The following DELE1 variants were observed in gnomAD, a reference collection of about 807,000 sequenced individuals.
The protein encoded by DELE1 is DAP3 binding cell death enhancer 1.
In DELE1, 54 loss-of-function variants were observed where a neutral mutation model predicts 59.3. The ratio of observed to expected loss-of-function variants is 0.91; its 90% CI spans 0.73 to 1.14. The LOEUF is 1.14. Among genes scored for constraint, DELE1 ranks in the 50% most tolerant of loss-of-function variants. DELE1 has a pLI of 0.00. For missense variants in DELE1, 636 were observed against 643.9 expected (o/e 0.99, Z 0.13); for synonymous variants, 264 against 259.1 (o/e 1.02, Z -0.18).
In DELE1 at chr5:141,934,605, C is replaced by G; in HGVS notation, c.1149+19C>G. Reference sequence around the variant, plus strand: ...CAATGGGGTATGCGATCTCAGTGGACAAGCATGTTGGGGATGAAGCCTGAT... The same window carrying G: ...CAATGGGGTATGCGATCTCAGTGGAGAAGCATGTTGGGGATGAAGCCTGAT... On this transcript the variant is annotated intron_variant, in intron 10 of 11. Transcript: ENST00000432126. 1 of 1,607,686 alleles carries G rather than the reference C, an allele frequency of 6.2e-7. No individual in the cohort carries two copies.
rs556745240 is a variant in DELE1 at position 141,933,290 on chromosome 5, G to A, written c.786G>A (p.Thr262=). 74 of 1,564,876 alleles carry A rather than the reference G, an allele frequency of 4.7e-5. 2 individuals carry two copies. The Middle Eastern group carries it at 7.0e-3, about 149-fold the overall frequency. ...GTENMKSGDH[T]AAFSYFQKAA... is the part of the protein sequence containing the mutation. The stretch of plus-strand genomic sequence containing the variant: ...AGAACATGAAGAGTGGCGACCACAC[G>A]GCAGCCTTTTCTTACTTCCAGAAAG... Residue 262 remains threonine, a synonymous_variant, in exon 8 of 12, where the codon ACG becomes ACA. Transcript: ENST00000432126.
intron 3 of DELE1, among the ~76,000 whole-genome samples, chr5:141,927,631 A>G (rs1751525641): frequency 6.6e-6 from 1 of 152,046 alleles, no homozygotes; most frequent in Admixed American, 6.5e-5. Flanking sequence ...ACACCTGGAG[A>G]TGTGTGTGTG....
At chr5:141,934,715 T>A in intron 10 of DELE1, 129 bp downstream of exon 10, 1 of 860,692 alleles carries the variant, frequency 1.2e-6, no homozygotes, top group Non-Finnish European at 1.8e-6. Flanking sequence ...CTTCAAGCCT[T>A]AGCGCTCACT....
In DELE1 at chr5:141,939,006, C is replaced by G; in HGVS notation, c.*247C>G. On this transcript the variant is annotated 3_prime_UTR_variant, in exon 12 of 12. Coordinates refer to ENST00000432126, the MANE Select transcript of DELE1 (RefSeq NM_014773.5). ...GTGCACCAAAGGATGCATTCAGTGA[C>G]CTATGAAAAACCCTACTGAAGGGTC... 7.6e-7 allele frequency: 1 copy of G among 1,322,874 alleles called. No individual in the cohort carries two copies. The allele number at this position is 1,322,874 out of a possible 1,614,324, so 81.9% of individuals were successfully genotyped here. A position where few individuals can be genotyped will look rare whatever the true frequency, so the allele number is the denominator to read the frequency against.
chr5:141,931,108 C>G (rs1474621258), intron 7 of DELE1: 1 of 152,170 alleles, frequency 6.6e-6, no homozygotes, highest in East Asian at 1.9e-4. Flanking sequence ...GAGCAAGGAG[C>G]AGTTTTTGAT....
chr5:141,936,414 G>A (rs188320314), intron 10 of DELE1, among the ~76,000 whole-genome samples: 1 of 152,248 alleles, frequency 6.6e-6, no homozygotes, highest in Non-Finnish European at 1.5e-5. Context: ...CTGGGGCAAA[G>A]AGCATAGCGT....
rs55860016 is a variant in DELE1, at chr5:141,924,762, T to G, written c.146+67T>G. On this transcript the variant is annotated intron_variant, in intron 2 of 11. Transcript: ENST00000432126. ...ACCCTTTTTTTTTATTTTTTTTTTT[T>G]TGTTGTTTTTTGAGATGGAGTCTCA... is the stretch of plus-strand genomic sequence containing the variant. 12,183 of 1,052,674 alleles carry G rather than the reference T, an allele frequency of 0.012. 863 individuals carry two copies. The African/African-American group carries it at 0.19, about 16-fold the overall frequency. The allele number at this position is 1,052,674 out of a possible 1,614,324, so 65.2% of individuals were successfully genotyped here. A position where few individuals can be genotyped will look rare whatever the true frequency, so the allele number is the denominator to read the frequency against.
intron 10 of DELE1, 166 bp from the exon 11 acceptor site, chr5:141,937,032 G>C: frequency 6.7e-7 from 1 of 1,493,060 alleles, no homozygotes; most frequent in African/African-American, 1.4e-5. Flanking sequence ...CTGAGCCTCT[G>C]GCATTTCGTA....
chr5:141,941,730 C>T lies in DELE1; in HGVS notation c.*2971C>T. 1.0e-6 allele frequency: 1 copy of T among 985,284 alleles called. No individual in the cohort carries two copies. The highest frequency in any genetic ancestry group is 1.2e-6 in the Non-Finnish European group (1 of 829,918). The allele number at this position is 985,284 out of a possible 1,614,324, so 61.0% of individuals were successfully genotyped here. On this transcript the variant is annotated 3_prime_UTR_variant, in exon 12 of 12. Coordinates refer to ENST00000432126, the MANE Select transcript of DELE1 (RefSeq NM_014773.5). The stretch of plus-strand genomic sequence containing the variant: ...GGGAGTCCTGACACTATGATGGGAA[C>T]AAGGCTATTTGGTTTACTATATCAT...
chr5:141,929,411 G>A (rs760376429), intron 4 of DELE1, among the ~76,000 whole-genome samples, 171 bp from the exon 5 acceptor site: 7 of 152,142 alleles, frequency 4.6e-5, no homozygotes, highest in Non-Finnish European at 7.4e-5. Context: ...ACTGCACCCC[G>A]CTAATTTTTT....
chr5:141,925,465 G>T lies in DELE1; in HGVS notation c.202G>T (p.Asp68Tyr). 6.2e-7 allele frequency: 1 copy of T among 1,604,566 alleles called. No individual in the cohort carries two copies. Among genetic ancestry groups the T allele is most frequent in the Non-Finnish European group, 8.5e-7 (1 of 1,175,748 alleles). ...SGGPRSHGWK[D>Y]AFQWMSSRVS... ...GGGTCCAAGGTCCCATGGATGGAAG[G>T]ATGCCTTCCAATGGATGTCTTCCCG... is the stretch of plus-strand genomic sequence containing the variant. The change falls in exon 3 of 12, where the codon GAT becomes TAT. Residue 68 changes from aspartate to tyrosine, a missense_variant. Coordinates refer to ENST00000432126, the MANE Select transcript of DELE1 (RefSeq NM_014773.5).
At chr5:141,937,509 G>A (rs1445808641) in intron 11 of DELE1, 152 bp downstream of exon 11, 16 of 852,864 alleles carry the variant, frequency 1.9e-5, no homozygotes, top group Admixed American at 8.2e-5. Context: ...GGTGGCTCAC[G>A]CCTGTAATCC....
intron 7 of DELE1, 148 bp from the exon 8 acceptor site, chr5:141,933,111 A>AAAT (rs1554076875): frequency 7.2e-4 from 68 of 94,572 alleles, no homozygotes; most frequent in South Asian, 2.1e-3. Context: ...AAAAAAAAAA[A>AAAT]ATATATATAT....
chr5:141,940,860 CCAAAAAACAAA>C lies in DELE1; in HGVS notation c.*2109_*2119del. 1 of 985,382 alleles carries C rather than the reference CCAAAAAACAAA, an allele frequency of 1.0e-6. No homozygotes were observed. Among genetic ancestry groups the C allele is most frequent in the Non-Finnish European group, 1.2e-6 (1 of 829,918 alleles). 61.0% of individuals were successfully genotyped at this position (985,382 alleles called of 1,614,324 possible). On this transcript the variant is annotated 3_prime_UTR_variant, in exon 12 of 12. Coordinates refer to ENST00000432126, the MANE Select transcript of DELE1 (RefSeq NM_014773.5). ...GCTGTGCAGTGCACTAAGCTCTCTGCCAAAAAACAAACAAAAAAAGGTTTCTGTGGTTAAAT... is the reference window on the plus strand; with the variant it reads ...GCTGTGCAGTGCACTAAGCTCTCTGCCAAAAAAAGGTTTCTGTGGTTAAAT...
chr5:141,937,420 G>A (rs1191726097), intron 11 of DELE1, 63 bp downstream of exon 11: 7 of 1,552,756 alleles, frequency 4.5e-6, no homozygotes, highest in Non-Finnish European at 6.2e-6. Flanking sequence ...TGACAGATAA[G>A]TAGGTAGCAG....
Position 141,930,077 on chromosome 5 carries a change from A to C in DELE1, c.657+3A>C. On this transcript the variant is annotated splice_donor_region_variant and intron_variant, in intron 6 of 11. Transcript: ENST00000432126. ...AGCCTCAGCCCACTGGTGAAAAGGT[A>C]TTATCCAGATTTGGCCACCTGGATC... The C allele has an allele frequency of 6.2e-7, 1 of 1,613,974 alleles. No homozygotes were observed. Among genetic ancestry groups the C allele is most frequent in the South Asian group, 1.1e-5 (1 of 91,084 alleles).
At chr5:141,923,996 C>T in intron 1 of DELE1, 24 bp downstream of exon 1, 1 of 1,606,426 alleles carries the variant, frequency 6.2e-7, no homozygotes, top group Non-Finnish European at 8.5e-7. Flanking sequence ...AAGCAACCAG[C>T]GTCACTCTGG....
At chr5:141,935,360 A>G (rs559239334) in intron 10 of DELE1, among the ~76,000 whole-genome samples, 2 of 152,252 alleles carry the variant, frequency 1.3e-5, no homozygotes, top group Non-Finnish European at 2.9e-5. Context: ...ACTGTAGATC[A>G]CTGAAAAGGC....
chr5:141,937,394 T>G, intron 11 of DELE1, 37 bp downstream of exon 11: 1 of 1,608,888 alleles, frequency 6.2e-7, no homozygotes. Flanking sequence ...GTTCATTCCC[T>G]GAGCTCAGTA....
Sources: gnomAD v4.1 joint callset for allele counts (sites outside exome capture counted in the v4.1 genomes callset) on GRCh38, gnomAD v4.1.1 for gene constraint, MANE v1.5 for transcripts, NCBI Gene and HGNC (gene_info 2026-07-23, HGNC 2026-07-21) for gene names.